Variants in FHIT observed in about 807,000 individuals in gnomAD.
The protein encoded by FHIT is fragile histidine triad diadenosine triphosphatase.
FHIT carries 19 observed loss-of-function variants against 17.9 expected under a neutral mutation model. That is an observed-to-expected ratio of 1.06 (90% CI 0.74 to 1.56). FHIT has a LOEUF of 1.56. Ranked by LOEUF, FHIT falls within the 40% of genes most tolerant of loss-of-function variation. The pLI is 0.00. For missense variants in FHIT, 248 were observed against 189.2 expected, an observed-to-expected ratio of 1.31 and a Z score of -1.82; for synonymous variants, 81 against 69.7, an observed-to-expected ratio of 1.16 and a Z score of -0.81.
At chr3:60,830,927 T>A (rs895202894) in intron 3 of FHIT, among the ~76,000 whole-genome samples, 43 of 152,320 alleles carry the variant, frequency 2.8e-4, no homozygotes, top group African/African-American at 9.6e-4. Context: ...TAATCTCCAA[T>A]CGTGAACTGT....
intron 5 of FHIT, among the ~76,000 whole-genome samples, chr3:60,307,844 A>G (rs1468301264): frequency 1.4e-5 from 1 of 71,584 alleles, no homozygotes; most frequent in Non-Finnish European, 2.7e-5. Context: ...CAAGGTAGAG[A>G]AGGTGAGGAC....
At chr3:60,956,173 T>C (rs1280091800) in intron 3 of FHIT, among the ~76,000 whole-genome samples, 1 of 152,200 alleles carries the variant, frequency 6.6e-6, no homozygotes, top group Admixed American at 6.5e-5. Context: ...TAAAGTTACA[T>C]TTCCCTACTG....
intron 5 of FHIT, among the ~76,000 whole-genome samples, chr3:60,110,754 T>A (rs1010273758): frequency 1.3e-5 from 2 of 152,218 alleles, no homozygotes; most frequent in Non-Finnish European, 2.9e-5. Context: ...CCATTAAGGT[T>A]GAGACCTGGT....
chr3:61,081,615 T>A (rs1220410622), intron 2 of FHIT, among the ~76,000 whole-genome samples: 2 of 152,202 alleles, frequency 1.3e-5, no homozygotes, highest in Non-Finnish European at 2.9e-5. Context: ...GTAGAATCCT[T>A]CCTTGCCTCT....
intron 5 of FHIT, among the ~76,000 whole-genome samples, chr3:60,476,282 G>A (rs911988611): frequency 1.3e-5 from 2 of 152,162 alleles, no homozygotes; most frequent in African/African-American, 4.8e-5. Flanking sequence ...TGGAGAGACT[G>A]GAACACAGGA....
chr3:60,262,996 TA>T (rs1390780012), intron 5 of FHIT, among the ~76,000 whole-genome samples: 2 of 151,618 alleles, frequency 1.3e-5, no homozygotes, highest in Admixed American at 6.6e-5. Context: ...ATATCTAGAA[TA>T]AAAAATAACT....
At chr3:60,466,532 G>C (rs1248045514) in intron 5 of FHIT, among the ~76,000 whole-genome samples, 1 of 151,898 alleles carries the variant, frequency 6.6e-6, no homozygotes, top group Non-Finnish European at 1.5e-5. Flanking sequence ...CTTTTATTGT[G>C]TCAAGGTATG....
chr3:60,218,876 CATACATAT>C lies in FHIT; in HGVS notation c.104-204732_104-204725del, dbSNP rs780651859. 7.4e-3 allele frequency among the ~76,000 whole-genome samples: 1,129 copies of C among 152,048 alleles called. 8 individuals carry two copies. Among genetic ancestry groups the C allele is most frequent in the African/African-American group, 0.026 (1,085 of 41,402 alleles). On this transcript the variant is annotated intron_variant, in intron 5 of 9. Transcript: ENST00000492590. ...TACTGCCTACATACATACATACATA[CATACATAT>C]ATACATACATATATAAATTAACCTT...
intron 5 of FHIT, among the ~76,000 whole-genome samples, chr3:60,321,854 G>C (rs147052117): frequency 1.1e-3 from 174 of 152,336 alleles, no homozygotes; most frequent in African/African-American, 4.0e-3. Context: ...TTCAGTGGTA[G>C]AAGGGGCAAG....
At chr3:60,880,722 A>C (rs1704928312) in intron 3 of FHIT, among the ~76,000 whole-genome samples, 1 of 146,434 alleles carries the variant, frequency 6.8e-6, no homozygotes, top group Non-Finnish European at 1.5e-5. Flanking sequence ...ACAAGAGTGA[A>C]ACTCATCTCA....
chr3:59,828,326 C>G (rs1461752745), intron 8 of FHIT, among the ~76,000 whole-genome samples: 2 of 152,146 alleles, frequency 1.3e-5, no homozygotes, highest in African/African-American at 4.8e-5. Flanking sequence ...TGGCATGTAC[C>G]TACTAAGTAG....
chr3:59,748,512 G>A lies in FHIT; in HGVS notation c.*1073C>T, dbSNP rs1022306550. Among the ~76,000 whole-genome samples, 5 of 152,110 alleles carry A rather than the reference G, an allele frequency of 3.3e-5. No individual in the cohort carries two copies. The highest frequency in any genetic ancestry group is 1.2e-4 in the African/African-American group (5 of 41,432). The stretch of plus-strand genomic sequence containing the variant: ...GGCTGTAGTGTGACCAGGGAGGCAG[G>A]TGCTGGGCAGGGTTGTATTAACAAG... On this transcript the variant is annotated 3_prime_UTR_variant, in exon 10 of 10. Transcript: ENST00000492590.
chr3:59,928,850 C>G (rs1370181932), intron 7 of FHIT, among the ~76,000 whole-genome samples: 2 of 151,910 alleles, frequency 1.3e-5, no homozygotes, highest in African/African-American at 4.8e-5. Flanking sequence ...CAAAAATTAG[C>G]CAGGCATGGT....
intron 5 of FHIT, among the ~76,000 whole-genome samples, chr3:60,308,572 G>C (rs1052322393): frequency 6.7e-6 from 1 of 148,316 alleles, no homozygotes; most frequent in African/African-American, 2.5e-5. Context: ...GTTACATTGG[G>C]TCCCCCCCCA....
chr3:59,843,967 T>G (rs1701625288), intron 8 of FHIT, among the ~76,000 whole-genome samples: 1 of 152,138 alleles, frequency 6.6e-6, no homozygotes, highest in Admixed American at 6.6e-5. Context: ...ATAATGAGTG[T>G]GTTCTCATGA....
intron 5 of FHIT, among the ~76,000 whole-genome samples, chr3:60,146,063 A>C (rs1307648888): frequency 6.6e-6 from 1 of 152,180 alleles, no homozygotes; most frequent in Non-Finnish European, 1.5e-5. Flanking sequence ...GATGTTTATC[A>C]TAATGGCAAA....
intron 2 of FHIT, among the ~76,000 whole-genome samples, chr3:61,092,625 A>G (rs2035521156): frequency 6.6e-6 from 1 of 152,230 alleles, no homozygotes; most frequent in South Asian, 2.1e-4. Flanking sequence ...CTGTGCTATT[A>G]AGAAGCACAT....
chr3:60,646,267 G>A (rs2039854195), intron 4 of FHIT, among the ~76,000 whole-genome samples: 1 of 152,094 alleles, frequency 6.6e-6, no homozygotes, highest in Non-Finnish European at 1.5e-5. Flanking sequence ...GGTCAAGAAT[G>A]TAAAAAATTA....
chr3:60,926,605 G>A (rs1707629805), intron 3 of FHIT, among the ~76,000 whole-genome samples: 1 of 152,158 alleles, frequency 6.6e-6, no homozygotes, highest in Admixed American at 6.5e-5. Flanking sequence ...GAGAAATCAG[G>A]AAAGATCTAA....
Sources: gnomAD v4.1 joint callset for allele counts (sites outside exome capture counted in the v4.1 genomes callset) on GRCh38, gnomAD v4.1.1 for gene constraint, MANE v1.5 for transcripts, NCBI Gene and HGNC (gene_info 2026-07-23, HGNC 2026-07-21) for gene names.